Variants in TNNI3K observed in about 807,000 individuals in gnomAD.
TNNI3K encodes serine/threonine-protein kinase TNNI3K.
In TNNI3K, 140 loss-of-function variants were observed where a neutral mutation model predicts 114.5. The ratio of observed to expected loss-of-function variants is 1.22; its 90% confidence interval spans 1.07 to 1.41. The LOEUF (loss-of-function observed/expected upper bound fraction) is 1.41. TNNI3K is among the 40% of genes most tolerant of loss of function. TNNI3K has a pLI of 0.00. For missense variants in TNNI3K, 1,125 were observed against 1,007.6 expected (o/e 1.12, Z -1.58); for synonymous variants, 347 against 347.5 (o/e 1.00, Z 0.02).
intron 20 of TNNI3K, among the ~76,000 whole-genome samples, chr1:74,456,875 CT>C (rs937187668): frequency 2.0e-5 from 3 of 151,954 alleles, no homozygotes; most frequent in African/African-American, 7.3e-5. Context: ...GGCTTGCAGA[CT>C]TTTTTATGTC....
intron 20 of TNNI3K, among the ~76,000 whole-genome samples, chr1:74,460,100 G>C (rs1667387978): frequency 1.3e-5 from 2 of 150,824 alleles, no homozygotes; most frequent in Non-Finnish European, 2.9e-5. Flanking sequence ...TTTTGAGACG[G>C]AGTCTTGCTC....
At chr1:74,321,508 T>G (rs1020077932) in intron 5 of TNNI3K, among the ~76,000 whole-genome samples, 2 of 152,016 alleles carry the variant, frequency 1.3e-5, no homozygotes, top group Non-Finnish European at 2.9e-5. Flanking sequence ...AGCCTTGCCC[T>G]CATCTCACTT....
At chr1:74,324,933 G>C (rs1314852117) in intron 5 of TNNI3K, among the ~76,000 whole-genome samples, 1 of 152,070 alleles carries the variant, frequency 6.6e-6, no homozygotes, top group Non-Finnish European at 1.5e-5. Context: ...GTAGGAGATC[G>C]ATCAGAGTGG....
chr1:74,311,006 A>C (rs1298055320), intron 5 of TNNI3K, among the ~76,000 whole-genome samples: 2 of 152,134 alleles, frequency 1.3e-5, no homozygotes, highest in African/African-American at 4.8e-5. Flanking sequence ...GAAAGCCCTA[A>C]GTCAGTTGGT....
rs183378359 is a variant in TNNI3K, at chr1:74,238,969, C to T, written c.149+2759C>T. Among the ~76,000 whole-genome samples the T allele has an allele frequency of 9.9e-5, 15 of 152,180 alleles. No homozygotes were observed. The East Asian group carries it at 2.9e-3, about 29-fold the overall frequency. ...GTCTTCCAATAACCTGAATGTTTAA[C>T]AAGCTCCCCAGATAAAACTATGCAT... is the stretch of plus-strand genomic sequence containing the variant. On this transcript the variant is annotated intron_variant, in intron 2 of 24. Coordinates refer to ENST00000326637, the MANE Select transcript of TNNI3K (RefSeq NM_015978.3).
At chr1:74,349,700 G>A (rs539855183) in intron 9 of TNNI3K, among the ~76,000 whole-genome samples, 4 of 152,268 alleles carry the variant, frequency 2.6e-5, no homozygotes, top group Admixed American at 2.0e-4. Flanking sequence ...TTAGTCTTGG[G>A]AGAGTGTATG....
intron 17 of TNNI3K, among the ~76,000 whole-genome samples, chr1:74,402,779 C>A (rs1032360065): frequency 2.0e-5 from 3 of 152,212 alleles, no homozygotes; most frequent in African/African-American, 7.2e-5. Context: ...TTGTCCACCC[C>A]ACAGCCCACA....
chr1:74,348,693 C>G (rs1371446699), intron 9 of TNNI3K, among the ~76,000 whole-genome samples: 2 of 152,136 alleles, frequency 1.3e-5, no homozygotes, highest in African/African-American at 4.8e-5. Flanking sequence ...GTTTGTAGTT[C>G]TCCTTGAAGA....
intron 21 of TNNI3K, among the ~76,000 whole-genome samples, chr1:74,466,053 C>G (rs991398676): frequency 5.3e-5 from 8 of 152,144 alleles, no homozygotes; most frequent in East Asian, 1.9e-4. Flanking sequence ...ACACTGACCC[C>G]GAAGGTCTGC....
At chr1:74,274,285 CA>C (rs1256593446) in intron 5 of TNNI3K, among the ~76,000 whole-genome samples, 1 of 151,672 alleles carries the variant, frequency 6.6e-6, no homozygotes, top group Non-Finnish European at 1.5e-5. Context: ...ATTGAATAGG[CA>C]AAGGAGGAGG....
intron 17 of TNNI3K, among the ~76,000 whole-genome samples, chr1:74,384,891 G>A (rs1663394220): frequency 6.6e-6 from 1 of 152,106 alleles, no homozygotes; most frequent in South Asian, 2.1e-4. Context: ...AGCTGACCCA[G>A]AAGTTGGTCT....
At chr1:74,356,223 T>C (rs1022107035) in intron 11 of TNNI3K, among the ~76,000 whole-genome samples, 8 of 152,350 alleles carry the variant, frequency 5.3e-5, no homozygotes, top group African/African-American at 1.9e-4. Flanking sequence ...ATTCTTATCA[T>C]TGTATAGTAT....
At chr1:74,358,382 C>T (rs1055283656) in intron 11 of TNNI3K, among the ~76,000 whole-genome samples, 1 of 152,000 alleles carries the variant, frequency 6.6e-6, no homozygotes, top group Non-Finnish European at 1.5e-5. Flanking sequence ...ATACTTTGTT[C>T]ATTCCTTTTG....
rs575560485 is a variant in TNNI3K at position 74,244,081 on chromosome 1, CAG to C, written c.150-5376_150-5375del. On this transcript the variant is annotated intron_variant, in intron 2 of 24. Coordinates refer to ENST00000326637, the MANE Select transcript of TNNI3K (RefSeq NM_015978.3). ...AATATTTTAATTACATGTTTCAAAA[CAG>C]AAACGTTTGACTAGAAGTTAATGGG... Among the ~76,000 whole-genome samples, 180 of 152,188 alleles carry C rather than the reference CAG, an allele frequency of 1.2e-3. 1 individual carries two copies. The highest frequency in any genetic ancestry group is 4.2e-3 in the African/African-American group (173 of 41,536).
intron 11 of TNNI3K, among the ~76,000 whole-genome samples, chr1:74,359,658 C>T (rs975023021): frequency 9.9e-5 from 15 of 151,918 alleles, no homozygotes; most frequent in African/African-American, 2.4e-4. Context: ...TTCTAATGTG[C>T]GTAGTTGCAT....
chr1:74,435,516 C>G (rs1204181264), intron 17 of TNNI3K, among the ~76,000 whole-genome samples: 1 of 151,996 alleles, frequency 6.6e-6, no homozygotes. Flanking sequence ...GACCTTTATG[C>G]TATTCTCCTC....
intron 22 of TNNI3K, among the ~76,000 whole-genome samples, chr1:74,490,050 T>TAAAAA (rs36063099): frequency 2.3e-5 from 1 of 42,892 alleles, no homozygotes; most frequent in African/African-American, 7.1e-5. Flanking sequence ...TTTTTTTTTC[T>TAAAAA]AAAAAAAAAA....
intron 17 of TNNI3K, among the ~76,000 whole-genome samples, chr1:74,406,091 C>A (rs1664599088): frequency 6.6e-6 from 1 of 152,160 alleles, no homozygotes; most frequent in South Asian, 2.1e-4. Flanking sequence ...GAGGCTCTTG[C>A]TGGAAAGAAC....
intron 21 of TNNI3K, chr1:74,480,689 C>G (rs41289204): frequency 9.8e-6 from 7 of 717,196 alleles, no homozygotes; most frequent in Admixed American, 2.0e-5. Flanking sequence ...CCAAGACCCT[C>G]GTAGGGTGCG....
Sources: gnomAD v4.1 joint callset for allele counts (sites outside exome capture counted in the v4.1 genomes callset) on GRCh38, gnomAD v4.1.1 for gene constraint, MANE v1.5 for transcripts, NCBI Gene and HGNC (gene_info 2026-07-23, HGNC 2026-07-21) for gene names.